QRICH1: variants seen among roughly 807,000 people sequenced by gnomAD.
The protein encoded by QRICH1 is transcriptional regulator QRICH1.
In QRICH1, 16 loss-of-function variants were observed where a neutral mutation model predicts 87.1. The observed-to-expected ratio is 0.18, with a 90% CI of 0.12 to 0.28. QRICH1 has a LOEUF of 0.28. QRICH1 is among the 10% of genes least tolerant of loss of function. The probability of loss-of-function intolerance (pLI) is 1.00; values close to 1 mark genes in which losing one functional copy is unlikely to be tolerated. For missense variants in QRICH1, 647 were observed against 951.7 expected, an observed-to-expected ratio of 0.68 and a Z score of 4.21; for synonymous variants, 367 against 368.4, an observed-to-expected ratio of 1.00 and a Z score of 0.05.
Position 49,057,167 on chromosome 3 carries a change from A to C in QRICH1, c.1033T>G (p.Ser345Ala), listed in dbSNP as rs752324966. 1.9e-6 allele frequency: 3 copies of C among 1,614,214 alleles called. No homozygotes were observed. In the South Asian group the frequency reaches 3.3e-5, roughly 18 times the overall value. ...EAYNAVHVSG[S>A]PTALAAVKLE... is the part of the protein sequence containing the mutation. ...TTAACAGCTGCCAGGGCTGTGGGTG[A>C]GCCACTGACGTGAACTGCGTTGTAG... The change falls in exon 3 of 10, where the codon TCA becomes GCA. Residue 345 changes from serine (S) to alanine (A), a missense_variant. Ser to Ala is a moderately conservative substitution (Grantham distance 99). This residue lies in a region of QRICH1 where 115 missense variants were observed against 126.8 expected (regional missense o/e 0.91). Coordinates refer to ENST00000395443, the MANE Select transcript of QRICH1 (RefSeq NM_198880.3). The surrounding 1 kb of genome is among the most constrained non-coding windows in gnomAD (Gnocchi z 5.4).
At chr3:49,059,203 G>C (rs1413144709) in intron 2 of QRICH1, among the ~76,000 whole-genome samples, 3 of 151,744 alleles carry the variant, frequency 2.0e-5, no homozygotes, top group Non-Finnish European at 2.9e-5. Context: ...CTGACCTCGT[G>C]ATCCGCCCGC....
intron 2 of QRICH1, among the ~76,000 whole-genome samples, chr3:49,062,773 C>T (rs1201582100): frequency 2.6e-5 from 4 of 151,544 alleles, no homozygotes; most frequent in African/African-American, 4.8e-5. Context: ...TTTGGGAGGC[C>T]GAGGCAGGCG....
intron 3 of QRICH1, among the ~76,000 whole-genome samples, chr3:49,048,598 C>G (rs2106871287): frequency 6.6e-6 from 1 of 151,158 alleles, no homozygotes; most frequent in South Asian, 2.1e-4. Flanking sequence ...ACCATCCTGG[C>G]TAACACGGTG....
chr3:49,057,182 C>G lies in QRICH1; in HGVS notation c.1018G>C (p.Val340Leu). ...GCTGTGGGTGAGCCACTGACGTGAA[C>G]TGCGTTGTAGGCTTCCTGGGGAATG... ...IAIPQEAYNA[V>L]HVSGSPTALA... Residue 340 changes from valine to leucine, a missense_variant, in exon 3 of 10, where the codon GTT becomes CTT. Val to Leu is a conservative substitution (Grantham distance 32). Coordinates refer to ENST00000395443, the MANE Select transcript of QRICH1 (RefSeq NM_198880.3). This position sits in a 1 kb window ranked among gnomAD's most constrained non-coding sequence, Gnocchi z 5.4. 2 of 1,614,220 alleles carry G rather than the reference C, an allele frequency of 1.2e-6. No homozygotes were observed. Among genetic ancestry groups the G allele is most frequent in the Non-Finnish European group, 1.7e-6 (2 of 1,180,040 alleles).
At chr3:49,037,041 A>C (rs556532471) in intron 6 of QRICH1, among the ~76,000 whole-genome samples, 1 of 146,898 alleles carries the variant, frequency 6.8e-6, no homozygotes, top group Admixed American at 7.2e-5. Context: ...ACTGCAATCC[A>C]GCCTGGGTGA....
chr3:49,046,322 ACTTC>A (rs1363409736), intron 5 of QRICH1, 99 bp downstream of exon 5: 1 of 1,279,846 alleles, frequency 7.8e-7, no homozygotes, highest in African/African-American at 1.5e-5. Context: ...CTGAAAGAGA[ACTTC>A]CTTATTTTAA....
intron 3 of QRICH1, among the ~76,000 whole-genome samples, chr3:49,051,435 C>A (rs969140909): frequency 6.6e-6 from 1 of 152,044 alleles, no homozygotes; most frequent in Non-Finnish European, 1.5e-5. Flanking sequence ...CAGGCCCTTA[C>A]GTGTTTGTCA....
intron 2 of QRICH1, among the ~76,000 whole-genome samples, chr3:49,066,415 T>C (rs1031486105): frequency 2.0e-5 from 3 of 152,140 alleles, no homozygotes; most frequent in African/African-American, 4.8e-5. Flanking sequence ...CACTGAATCA[T>C]AGCTCATATG....
In QRICH1 at chr3:49,055,515, T is replaced by C. The variant is rs554495644; in HGVS notation, c.1338+1347A>G. Among the ~76,000 whole-genome samples the C allele has an allele frequency of 2.9e-3, 445 of 152,256 alleles. 4 individuals are homozygous for C. The highest frequency in any genetic ancestry group is 0.01 in the African/African-American group (424 of 41,560). On this transcript the variant is annotated intron_variant, in intron 3 of 9. Coordinates refer to ENST00000395443, the MANE Select transcript of QRICH1 (RefSeq NM_198880.3). Reference sequence around the variant, plus strand: ...ACGCTGGGACCACAGGTATGTGCCATCACACTAGACTATATTTTTTAAATT... The same window carrying C: ...ACGCTGGGACCACAGGTATGTGCCACCACACTAGACTATATTTTTTAAATT...
At chr3:49,049,028 A>C (rs2093354880) in intron 3 of QRICH1, among the ~76,000 whole-genome samples, 1 of 151,298 alleles carries the variant, frequency 6.6e-6, no homozygotes, top group African/African-American at 2.4e-5. Flanking sequence ...CAGCCTCCCG[A>C]GTAGCTAGGA....
In QRICH1 at chr3:49,094,052, A is replaced by C. The variant is rs567091032; in HGVS notation, c.-162T>G. On this transcript the variant is annotated 5_prime_UTR_variant, in exon 1 of 10. An upstream start codon of the reference 5' UTR is lost. Transcript: ENST00000395443. The stretch of plus-strand genomic sequence containing the variant: ...CACAGCTCCCTGGGCGCCATCTTAC[A>C]TTCAACCCTCACAGCCAATAGGAGC... 1 of 398,676 alleles carries C rather than the reference A, an allele frequency of 2.5e-6. No individual in the cohort carries two copies. The highest frequency in any genetic ancestry group is 1.3e-4 in the South Asian group (1 of 7,872). 24.7% of individuals were successfully genotyped at this position (398,676 alleles called of 1,614,324 possible).
intron 1 of QRICH1, among the ~76,000 whole-genome samples, chr3:49,085,845 C>T (rs1014277515): frequency 5.3e-5 from 8 of 151,516 alleles, no homozygotes; most frequent in Non-Finnish European, 8.8e-5. Flanking sequence ...AGATGCTGCA[C>T]ATAAGACACA....
intron 2 of QRICH1, among the ~76,000 whole-genome samples, chr3:49,066,189 G>A (rs1231925173): frequency 6.6e-6 from 1 of 152,078 alleles, no homozygotes; most frequent in Non-Finnish European, 1.5e-5. Flanking sequence ...TCAGGAGGCT[G>A]AGGTGGGAGA....
At chr3:49,033,332 T>A in intron 6 of QRICH1, 104 bp from the exon 7 acceptor site, 1 of 610,514 alleles carries the variant, frequency 1.6e-6, no homozygotes, top group Non-Finnish European at 2.5e-6. Flanking sequence ...AGTATAAATT[T>A]CATCAGGGGA....
In QRICH1 at chr3:49,047,183, G is replaced by C. The variant is rs200491534; in HGVS notation, c.1402C>G (p.Leu468Val). 11 of 1,614,198 alleles carry C rather than the reference G, an allele frequency of 6.8e-6. No individual in the cohort carries two copies. The South Asian group carries it at 9.9e-5, about 14-fold the overall frequency. ...QSQPQPSPEL[L>V]LPNSLKPEEG... is the part of the protein sequence containing the mutation. ...TCTGGCTTCAAAGAATTTGGAAGCA[G>C]AAGTTCTGGGGAAGGCTGTGGCTGT... The change falls in exon 4 of 10, where the codon CTG becomes GTG. Residue 468 changes from leucine to valine, a missense_variant. Leu to Val is a conservative substitution (Grantham distance 32, BLOSUM62 1). Coordinates refer to ENST00000395443, the MANE Select transcript of QRICH1 (RefSeq NM_198880.3).
chr3:49,089,307 G>A (rs1485093030), intron 1 of QRICH1, among the ~76,000 whole-genome samples: 3 of 151,908 alleles, frequency 2.0e-5, no homozygotes, highest in South Asian at 2.1e-4. Flanking sequence ...TGATCCGCCC[G>A]CATTGGCCTC....
intron 1 of QRICH1, among the ~76,000 whole-genome samples, chr3:49,087,556 A>G (rs1329266859): frequency 6.6e-6 from 1 of 151,738 alleles, no homozygotes. Context: ...AAAAATAATA[A>G]GAAAAATAAA....
At chr3:49,056,824 G>A (rs2093405047) in intron 3 of QRICH1, 38 bp downstream of exon 3, 1 of 1,613,936 alleles carries the variant, frequency 6.2e-7, no homozygotes, top group East Asian at 2.2e-5. Context: ...GGCCCTGAGG[G>A]ACCAGGCTGC....
chr3:49,082,240 T>C (rs1464623289), intron 1 of QRICH1, among the ~76,000 whole-genome samples: 2 of 152,208 alleles, frequency 1.3e-5, no homozygotes, highest in East Asian at 3.8e-4. Context: ...CCCAGCAAGG[T>C]GTCCTCTATT....
Sources: gnomAD v4.1 joint callset for allele counts (sites outside exome capture counted in the v4.1 genomes callset) on GRCh38, gnomAD v4.1.1 for gene constraint, gnomAD v4.1.1 regional missense constraint, Gnocchi (gnomAD v3.1) non-coding constraint, MANE v1.5 for transcripts, NCBI Gene and HGNC (gene_info 2026-07-23, HGNC 2026-07-21) for gene names.